SFXN5: variants seen among roughly 807,000 people sequenced by gnomAD.
SFXN5 encodes the protein sideroflexin-5.
A neutral mutation model predicts 50.2 loss-of-function variants in SFXN5; 43 were observed. That is an observed-to-expected ratio of 0.86 (90% CI 0.67 to 1.11). The LOEUF is 1.11. Ranked by LOEUF, SFXN5 falls within the 50% of genes least tolerant of loss-of-function variation. The pLI is 0.00. For missense variants in SFXN5, 463 were observed against 454.1 expected (o/e 1.02, Z -0.18); for synonymous variants, 203 against 185.8 (o/e 1.09, Z -0.75).
intron 9 of SFXN5, among the ~76,000 whole-genome samples, chr2:72,990,885 G>C (rs546747669): frequency 3.3e-5 from 5 of 152,158 alleles, no homozygotes; most frequent in Non-Finnish European, 7.3e-5. Flanking sequence ...TTGGGGCTGG[G>C]GTCCTAACGA....
chr2:73,065,858 GACA>G (rs1239557963), intron 1 of SFXN5, among the ~76,000 whole-genome samples: 19 of 152,310 alleles, frequency 1.2e-4, no homozygotes, highest in African/African-American at 3.6e-4. Flanking sequence ...CCTGGTCCTG[GACA>G]ACAATTTATT....
chr2:73,016,923 G>C (rs1676236616), intron 6 of SFXN5, among the ~76,000 whole-genome samples: 2 of 152,188 alleles, frequency 1.3e-5, no homozygotes, highest in African/African-American at 2.4e-5. Context: ...ACTGGCAACA[G>C]AGTACATTGT....
At chr2:73,042,138 T>G (rs1180863329) in intron 2 of SFXN5, among the ~76,000 whole-genome samples, 1 of 152,220 alleles carries the variant, frequency 6.6e-6, no homozygotes, top group Non-Finnish European at 1.5e-5. Context: ...TATGATTTTT[T>G]AAGTCTAAAA....
intron 9 of SFXN5, among the ~76,000 whole-genome samples, chr2:72,994,094 A>T (rs752731504): frequency 2.0e-5 from 3 of 152,096 alleles, no homozygotes; most frequent in Non-Finnish European, 4.4e-5. Flanking sequence ...CCACCTCCTT[A>T]TGCCACAGGG....
Position 72,961,060 on chromosome 2 carries a change from T to G in SFXN5, c.945+71A>C. 44 of 1,103,844 alleles carry G rather than the reference T, an allele frequency of 4.0e-5. No individual in the cohort carries two copies. Among genetic ancestry groups the G allele is most frequent in the Non-Finnish European group, 5.3e-5 (42 of 794,248 alleles). The allele number at this position is 1,103,844 out of a possible 1,614,324, so 68.4% of individuals were successfully genotyped here. A position where few individuals can be genotyped will look rare whatever the true frequency, so the allele number is the denominator to read the frequency against. ...ATGGCGCTAAGGAGTCGGCACGGTA[T>G]GAGTATTTGTTCAGAAATCACCAAA... is the stretch of plus-strand genomic sequence containing the variant. On this transcript the variant is annotated intron_variant, in intron 13 of 13. Coordinates refer to ENST00000272433, the MANE Select transcript of SFXN5 (RefSeq NM_144579.3). This position sits in a 1 kb window ranked among gnomAD's most constrained non-coding sequence, Gnocchi z 4.4.
intron 6 of SFXN5, among the ~76,000 whole-genome samples, chr2:73,006,551 G>T (rs1450655947): frequency 2.0e-5 from 3 of 150,900 alleles, no homozygotes; most frequent in South Asian, 2.1e-4. Context: ...AAACCCAGGA[G>T]AAGGAGGTTG....
intron 3 of SFXN5, among the ~76,000 whole-genome samples, chr2:73,032,752 C>T (rs2105890316): frequency 1.3e-5 from 2 of 152,330 alleles, no homozygotes; most frequent in East Asian, 3.9e-4. Context: ...TTAAAACAAC[C>T]TCCAGAAGGT....
intron 6 of SFXN5, among the ~76,000 whole-genome samples, chr2:73,017,244 G>A (rs1216834376): frequency 6.6e-6 from 1 of 152,196 alleles, no homozygotes; most frequent in African/African-American, 2.4e-5. Flanking sequence ...TTACCTCAGA[G>A]GATGGGTGAG....
intron 1 of SFXN5, chr2:73,059,733 C>G: frequency 1.0e-6 from 1 of 971,570 alleles, no homozygotes. Context: ...AGCTGCCTCT[C>G]TAACCTCTTA....
At chr2:73,004,167 G>A (rs1674290841) in intron 6 of SFXN5, among the ~76,000 whole-genome samples, 2 of 152,144 alleles carry the variant, frequency 1.3e-5, no homozygotes, top group South Asian at 2.1e-4. Context: ...TGATTTTAGG[G>A]TACTCCTTCT....
At chr2:72,965,283 G>A (rs1281708758) in intron 12 of SFXN5, among the ~76,000 whole-genome samples, 1 of 152,168 alleles carries the variant, frequency 6.6e-6, no homozygotes, top group East Asian at 1.9e-4. Flanking sequence ...AGGAGAGCCT[G>A]GGCCACCAAG....
At chr2:72,955,656 G>A (rs1263896599) in intron 13 of SFXN5, among the ~76,000 whole-genome samples, 4 of 152,248 alleles carry the variant, frequency 2.6e-5, no homozygotes, top group Non-Finnish European at 5.9e-5. Context: ...CCGGCTGTCA[G>A]AGTTAGAGGG....
chr2:73,016,491 G>A (rs1290001242), intron 6 of SFXN5, among the ~76,000 whole-genome samples: 3 of 152,132 alleles, frequency 2.0e-5, no homozygotes, highest in Admixed American at 6.5e-5. Flanking sequence ...GATCACTTGA[G>A]GCCAGGAGTT....
intron 6 of SFXN5, among the ~76,000 whole-genome samples, chr2:73,008,014 T>C (rs1475478743): frequency 1.3e-5 from 2 of 151,934 alleles, no homozygotes; most frequent in African/African-American, 2.4e-5. Flanking sequence ...AGGGAGAACA[T>C]TGGGATTGGG....
At chr2:72,999,621 A>C (rs1673653110) in intron 8 of SFXN5, among the ~76,000 whole-genome samples, 1 of 151,844 alleles carries the variant, frequency 6.6e-6, no homozygotes, top group Non-Finnish European at 1.5e-5. Flanking sequence ...AGAGATGGCC[A>C]TATGTGAAGC....
chr2:73,061,795 G>T (rs1188487965), intron 1 of SFXN5, among the ~76,000 whole-genome samples: 2 of 152,028 alleles, frequency 1.3e-5, no homozygotes, highest in Admixed American at 6.6e-5. Context: ...ATACAGAAAT[G>T]ATATTACATT....
At chr2:73,043,678 G>C (rs1046674166) in intron 2 of SFXN5, among the ~76,000 whole-genome samples, 1 of 152,172 alleles carries the variant, frequency 6.6e-6, no homozygotes, top group African/African-American at 2.4e-5. Flanking sequence ...TTCCAAAGTG[G>C]AGATAGCTTT....
At chr2:72,954,557 G>A (rs767591971) in intron 13 of SFXN5, among the ~76,000 whole-genome samples, 6 of 152,124 alleles carry the variant, frequency 3.9e-5, no homozygotes, top group South Asian at 2.1e-4. Flanking sequence ...GCTCATAGCC[G>A]CCAGCCCCTA....
At chr2:72,959,484 T>C (rs1673468554) in intron 13 of SFXN5, among the ~76,000 whole-genome samples, 1 of 152,092 alleles carries the variant, frequency 6.6e-6, no homozygotes, top group African/African-American at 2.4e-5. Context: ...TCACCCCTTC[T>C]CTGTGTCCTC....
Sources: gnomAD v4.1 joint callset for allele counts (sites outside exome capture counted in the v4.1 genomes callset) on GRCh38, gnomAD v4.1.1 for gene constraint, Gnocchi (gnomAD v3.1) non-coding constraint, MANE v1.5 for transcripts, NCBI Gene and HGNC (gene_info 2026-07-23, HGNC 2026-07-21) for gene names.